Variants in STK11IP observed in about 807,000 individuals in gnomAD.
STK11IP encodes serine/threonine kinase 11 interacting protein.
Under a neutral mutation model 131.7 loss-of-function variants are expected in STK11IP, and 103 were observed. The ratio of observed to expected loss-of-function variants is 0.78; its 90% CI spans 0.67 to 0.92. The LOEUF (loss-of-function observed/expected upper bound fraction) is 0.92, where lower values mean the gene tolerates loss of function less well. Among genes scored for constraint, STK11IP ranks in the 40% least tolerant of loss-of-function variants. The pLI, the probability that STK11IP is intolerant of heterozygous loss-of-function variation, is 0.00. For missense variants in STK11IP, 1,315 were observed against 1,385.7 expected (o/e 0.95, Z 0.81); for synonymous variants, 557 against 575.6 (o/e 0.97, Z 0.46).
chr2:219,600,345 A>G (rs1019512708), intron 2 of STK11IP, among the ~76,000 whole-genome samples: 2 of 151,526 alleles, frequency 1.3e-5, no homozygotes, highest in Non-Finnish European at 1.5e-5. Flanking sequence ...CCTGACCTCA[A>G]GTGCCTTGCT....
chr2:219,598,235 T>A, intron 2 of STK11IP, 55 bp downstream of exon 2: 2 of 1,355,186 alleles, frequency 1.5e-6, no homozygotes, highest in South Asian at 2.7e-5. Flanking sequence ...GTGGGGGTGG[T>A]GCTTTCTGGA....
rs151005913 is a variant in STK11IP at position 219,598,662 on chromosome 2, C to T, written c.61+482C>T. 2.5e-3 allele frequency among the ~76,000 whole-genome samples: 382 copies of T among 152,290 alleles called. 4 individuals are homozygous for T. Among genetic ancestry groups the T allele is most frequent in the African/African-American group, 8.9e-3 (372 of 41,576 alleles). On this transcript the variant is annotated intron_variant, in intron 2 of 24. Coordinates refer to ENST00000456909, the MANE Select transcript of STK11IP (RefSeq NM_052902.4). ...ATTGTACTTAACATTTGTGGGGATT[C>T]GTTTTAATTCATGTATTTAGTACAA...
intron 17 of STK11IP, among the ~76,000 whole-genome samples, chr2:219,610,693 C>G (rs112813204): frequency 1.3e-5 from 2 of 152,176 alleles, no homozygotes; most frequent in African/African-American, 4.8e-5. Context: ...GCCACCACGC[C>G]CGGCCAACCA....
At chr2:219,604,184 T>C (rs1284061367) in intron 7 of STK11IP, among the ~76,000 whole-genome samples, 3 of 152,210 alleles carry the variant, frequency 2.0e-5, no homozygotes. Flanking sequence ...GTCACCATTC[T>C]AGGGATGCAT....
chr2:219,614,304 A>C, intron 22 of STK11IP, 62 bp downstream of exon 22: 1 of 1,592,544 alleles, frequency 6.3e-7, no homozygotes, highest in Non-Finnish European at 8.6e-7. Flanking sequence ...AGAGCCCCAG[A>C]CATGGCCCTG....
At position 219,611,701 on chromosome 2, in the gene STK11IP, G is replaced by T; in HGVS notation, c.2202G>T (p.Gln734His). ...ACAGGGAGCGGAAACAGGGAGAGCAGTCTCTGGCTCCTTCTCCGTCTGCCA... is the reference window on the plus strand; with the variant it reads ...ACAGGGAGCGGAAACAGGGAGAGCATTCTCTGGCTCCTTCTCCGTCTGCCA... Reference protein sequence around the residue: ...TPNRERKQGEQSLAPSPSASP... With the variant: ...TPNRERKQGEHSLAPSPSASP... The change falls in exon 18 of 25, where the codon CAG becomes CAT. Residue 734 changes from glutamine (Q) to histidine (H), a missense_variant. Coordinates refer to ENST00000456909, the MANE Select transcript of STK11IP (RefSeq NM_052902.4). 1 of 1,613,146 alleles carries T rather than the reference G, an allele frequency of 6.2e-7. No homozygotes were observed. The highest frequency in any genetic ancestry group is 1.7e-5 in the Admixed American group (1 of 60,034).
At chr2:219,608,986 G>A in intron 15 of STK11IP, 111 bp from the exon 16 acceptor site, 1 of 1,072,676 alleles carries the variant, frequency 9.3e-7, no homozygotes, top group Non-Finnish European at 1.4e-6. Context: ...CGTCAGTACA[G>A]GCCTTTGACA....
intron 2 of STK11IP, among the ~76,000 whole-genome samples, chr2:219,600,059 G>GTTTTTTTTTTTTTTTT (rs57060581): frequency 3.3e-5 from 3 of 91,700 alleles, no homozygotes; most frequent in African/African-American, 4.9e-5. Flanking sequence ...TTTTGTTTTT[G>GTTTTTTTTTTTTTTTT]TTTTTTTTTT....
chr2:219,614,565 T>C lies in STK11IP; in HGVS notation c.2869+19T>C. 6 of 1,612,908 alleles carry C rather than the reference T, an allele frequency of 3.7e-6. No homozygotes were observed. The highest frequency in any genetic ancestry group is 5.1e-6 in the Non-Finnish European group (6 of 1,179,064). On this transcript the variant is annotated intron_variant, in intron 23 of 24. Transcript: ENST00000456909. ...GTTGAAGGTGAAGCCTCTGTGCAGC[T>C]GATGCTTCCCTGGTCTCTGTACCCT...
rs148777814 is a variant in STK11IP at position 219,612,025 on chromosome 2, C to T, written c.2406C>T (p.Ser802=). The change falls in exon 19 of 25, where the codon AGC becomes AGT. Residue 802 remains serine (S), a synonymous_variant. Coordinates refer to ENST00000456909, the MANE Select transcript of STK11IP (RefSeq NM_052902.4). ...TCTTCCTGGATGTTGAGGTGTTCAG[C>T]GATGCCCAGGAGGAGTTCCAGTGCT... ...LRLFLDVEVF[S]DAQEEFQCCL... is the part of the protein sequence containing the mutation. 1.5e-4 allele frequency: 248 copies of T among 1,604,932 alleles called. No individual in the cohort carries two copies. The South Asian group carries it at 2.3e-3, about 15-fold the overall frequency.
At chr2:219,599,815 C>T (rs1697920800) in intron 2 of STK11IP, among the ~76,000 whole-genome samples, 1 of 151,664 alleles carries the variant, frequency 6.6e-6, no homozygotes, top group Non-Finnish European at 1.5e-5. Flanking sequence ...CTCACTGCAA[C>T]CCCTGCCTCC....
chr2:219,606,594 C>A, intron 11 of STK11IP, 77 bp downstream of exon 11: 1 of 1,606,802 alleles, frequency 6.2e-7, no homozygotes. Flanking sequence ...AGAGGGCTGG[C>A]TGGTGACAGG....
At position 219,606,875 on chromosome 2, in the gene STK11IP, G is replaced by C; in HGVS notation, c.1134+17G>C. On this transcript the variant is annotated intron_variant, in intron 12 of 24. Coordinates refer to ENST00000456909, the MANE Select transcript of STK11IP (RefSeq NM_052902.4). ...AAGGTTAAGGTAAGCAGCGTCCTCC[G>C]CTGCCTTGTGCCTGCGGTTGGGTGT... is the stretch of plus-strand genomic sequence containing the variant. 6.3e-7 allele frequency: 1 copy of C among 1,599,684 alleles called. No individual in the cohort carries two copies. The highest frequency in any genetic ancestry group is 8.5e-7 in the Non-Finnish European group (1 of 1,171,082).
At chr2:219,607,919 G>C in intron 13 of STK11IP, 128 bp from the exon 14 acceptor site, 2 of 1,288,784 alleles carry the variant, frequency 1.6e-6, no homozygotes, top group Non-Finnish European at 2.1e-6. Flanking sequence ...GGGGACGCCT[G>C]TAGCCTCCCT....
At position 219,608,692 on chromosome 2, in the gene STK11IP, C is replaced by G; in HGVS notation, c.1713C>G (p.Leu571=). 1.9e-6 allele frequency: 3 copies of G among 1,613,672 alleles called. No homozygotes were observed. The highest frequency in any genetic ancestry group is 2.2e-5 in the South Asian group (2 of 91,068). Residue 571 remains leucine (L), a synonymous_variant, in exon 15 of 25, where the codon CTC becomes CTG. Transcript: ENST00000456909. ...VTSAHLFEVE[L]QAARTLERLE... is the part of the protein sequence containing the mutation. ...CTGCCCACCTGTTTGAGGTGGAACTCCAAGCAGCTCGCACCTTGGAGCGAC... is the reference window on the plus strand; with the variant it reads ...CTGCCCACCTGTTTGAGGTGGAACTGCAAGCAGCTCGCACCTTGGAGCGAC...
At position 219,602,069 on chromosome 2, in the gene STK11IP, C is replaced by T; in HGVS notation, c.424C>T (p.Leu142Phe). The change falls in exon 5 of 25, where the codon CTC (leucine) becomes TTC (phenylalanine). Residue 142 changes from leucine to phenylalanine, a missense_variant. By Grantham distance (22) the Leu-to-Phe change is conservative (BLOSUM62 0). Coordinates refer to ENST00000456909, the MANE Select transcript of STK11IP (RefSeq NM_052902.4). ...GGAGACCCTGATTTGCAGCAGGAGC[C>T]TCCAGGCATTAGAGGTAAGGAGAGT... ...QLETLICSRS[L>F]QALEELLSAC... 5 of 1,606,024 alleles carry T rather than the reference C, an allele frequency of 3.1e-6. No individual in the cohort carries two copies. Among genetic ancestry groups the T allele is most frequent in the Non-Finnish European group, 4.3e-6 (5 of 1,176,376 alleles).
chr2:219,610,377 T>G (rs1211675340), intron 17 of STK11IP, among the ~76,000 whole-genome samples: 2 of 150,782 alleles, frequency 1.3e-5, no homozygotes, highest in Non-Finnish European at 2.9e-5. Flanking sequence ...TGAACATTAC[T>G]GTGGGCTCTG....
chr2:219,599,523 C>G (rs1559174756), intron 2 of STK11IP, among the ~76,000 whole-genome samples: 1 of 152,160 alleles, frequency 6.6e-6, no homozygotes, highest in Non-Finnish European at 1.5e-5. Flanking sequence ...TCCTCAGTGT[C>G]TAGTACATAC....
chr2:219,613,792 C>T lies in STK11IP; in HGVS notation c.2578C>T (p.Pro860Ser). Residue 860 changes from proline to serine, a missense_variant, in exon 21 of 25, where the codon CCC becomes TCC. Coordinates refer to ENST00000456909, the MANE Select transcript of STK11IP (RefSeq NM_052902.4). ...CTGGCTGCAGCTGACCCTGGCTGTTCCCCTGCAGGATCTGAGTGGCATAGA... is the reference window on the plus strand; with the variant it reads ...CTGGCTGCAGCTGACCCTGGCTGTTTCCCTGCAGGATCTGAGTGGCATAGA... The part of the protein sequence containing the change: ...ASWLQLTLAV[P>S]LQDLSGIELG... 6.2e-7 allele frequency: 1 copy of T among 1,612,374 alleles called. No individual in the cohort carries two copies. Among genetic ancestry groups the T allele is most frequent in the South Asian group, 1.1e-5 (1 of 91,084 alleles).
Sources: gnomAD v4.1 joint callset for allele counts (sites outside exome capture counted in the v4.1 genomes callset) on GRCh38, gnomAD v4.1.1 for gene constraint, MANE v1.5 for transcripts, NCBI Gene and HGNC (gene_info 2026-07-23, HGNC 2026-07-21) for gene names.